CNTLN: variants seen among roughly 807,000 people sequenced by gnomAD.
CNTLN encodes the protein centlein, centrosomal protein.
CNTLN carries 212 observed loss-of-function variants against 180.0 expected under a neutral mutation model. The observed-to-expected ratio is 1.18, with a 90% CI of 1.05 to 1.32. The LOEUF (loss-of-function observed/expected upper bound fraction) is 1.32. CNTLN is among the 40% of genes most tolerant of loss of function. CNTLN has a pLI of 0.00. For synonymous variants in CNTLN, 722 were observed against 563.1 expected (o/e 1.28, Z -3.99); for missense variants, 2,095 against 1,610.9 (o/e 1.30, Z -5.14).
Position 17,142,201 on chromosome 9 carries a change from C to T in CNTLN, c.361-1087C>T, listed in dbSNP as rs746362276. On this transcript the variant is annotated intron_variant, in intron 1 of 25. Transcript: ENST00000380647. ...ATGCAGCCCAGGATGGCTTTGAATG[C>T]GGCCTAACACAAATTCTTAAACTTT... Among the ~76,000 whole-genome samples the T allele has an allele frequency of 5.7e-4, 86 of 152,072 alleles. 1 individual carries two copies. Among genetic ancestry groups the T allele is most frequent in the Non-Finnish European group, 1.0e-3 (71 of 68,010 alleles).
intron 18 of CNTLN, among the ~76,000 whole-genome samples, chr9:17,432,209 A>G (rs981319368): frequency 2.0e-5 from 3 of 152,220 alleles, no homozygotes; most frequent in African/African-American, 7.2e-5. Flanking sequence ...ACAAAAAACA[A>G]AAAACAAAAT....
At chr9:17,385,828 A>G (rs1461289284) in intron 13 of CNTLN, among the ~76,000 whole-genome samples, 1 of 152,162 alleles carries the variant, frequency 6.6e-6, no homozygotes, top group East Asian at 1.9e-4. Flanking sequence ...GGTTATTTGC[A>G]AATGCTACAT....
At chr9:17,486,802 C>T (rs1588097086) in intron 24 of CNTLN, among the ~76,000 whole-genome samples, 187 bp from the exon 25 acceptor site, 2 of 152,008 alleles carry the variant, frequency 1.3e-5, no homozygotes. Flanking sequence ...GCTATATCTT[C>T]CGTAGTACGT....
At chr9:17,155,565 C>G (rs933046229) in intron 2 of CNTLN, among the ~76,000 whole-genome samples, 2 of 152,138 alleles carry the variant, frequency 1.3e-5, no homozygotes, top group African/African-American at 4.8e-5. Context: ...ACACTGTGGC[C>G]GTGAAACTGC....
At chr9:17,164,043 G>A (rs774538729) in intron 2 of CNTLN, among the ~76,000 whole-genome samples, 2 of 150,578 alleles carry the variant, frequency 1.3e-5, no homozygotes, top group Non-Finnish European at 3.0e-5. Flanking sequence ...CAGAAGCAGT[G>A]GCTCACCCCT....
chr9:17,457,289 C>A (rs2134156799), intron 18 of CNTLN, among the ~76,000 whole-genome samples: 1 of 152,084 alleles, frequency 6.6e-6, no homozygotes, highest in East Asian at 1.9e-4. Context: ...CAGGACCAGC[C>A]AACCAAAAGA....
the CNTLN span, among the ~76,000 whole-genome samples, chr9:17,510,418 G>T: frequency 6.6e-6 from 1 of 152,170 alleles, no homozygotes; most frequent in Non-Finnish European, 1.5e-5. Flanking sequence ...TGAATTTTGT[G>T]TGTCAACCTG....
At chr9:17,212,523 T>TG (rs1335719958) in intron 2 of CNTLN, among the ~76,000 whole-genome samples, 2 of 152,170 alleles carry the variant, frequency 1.3e-5, no homozygotes, top group Non-Finnish European at 2.9e-5. Context: ...TCTCCTTTTT[T>TG]GTTGTGTCTC....
At chr9:17,412,656 A>T (rs748611757) in intron 16 of CNTLN, among the ~76,000 whole-genome samples, 6 of 152,314 alleles carry the variant, frequency 3.9e-5, no homozygotes, top group Admixed American at 2.6e-4. Context: ...AGGCTAATGT[A>T]AGTGTTCTGA....
intron 24 of CNTLN, among the ~76,000 whole-genome samples, 169 bp downstream of exon 24, chr9:17,484,649 A>C (rs1013504559): frequency 5.3e-5 from 8 of 152,156 alleles, no homozygotes; most frequent in Non-Finnish European, 1.2e-4. Flanking sequence ...AACTAACTCA[A>C]AAAGCCTTTA....
the CNTLN span, among the ~76,000 whole-genome samples, chr9:17,521,099 G>A: frequency 2.6e-5 from 4 of 152,106 alleles, no homozygotes; most frequent in African/African-American, 4.8e-5. Flanking sequence ...GACAAGGCAC[G>A]AGATAATTAT....
intron 18 of CNTLN, among the ~76,000 whole-genome samples, chr9:17,454,673 C>T (rs1186969496): frequency 1.3e-5 from 2 of 152,212 alleles, no homozygotes; most frequent in African/African-American, 4.8e-5. Flanking sequence ...ACATCTACTA[C>T]GTGCAATCAC....
chr9:17,337,030 C>G (rs1396362152), intron 10 of CNTLN, among the ~76,000 whole-genome samples: 2 of 152,164 alleles, frequency 1.3e-5, no homozygotes, highest in Admixed American at 1.3e-4. Context: ...GATGGTATCT[C>G]ATTGTGGTTT....
At chr9:17,471,797 A>G (rs1448484371) in intron 23 of CNTLN, among the ~76,000 whole-genome samples, 1 of 152,098 alleles carries the variant, frequency 6.6e-6, no homozygotes, top group Non-Finnish European at 1.5e-5. Context: ...ATTTTGTAAC[A>G]GATAAGAGAG....
intron 13 of CNTLN, among the ~76,000 whole-genome samples, chr9:17,383,421 G>GGA (rs1439698967): frequency 6.6e-6 from 1 of 151,858 alleles, no homozygotes. Context: ...CGCTGAGGCT[G>GGA]GAGGATCACT....
At chr9:17,509,950 G>A in the CNTLN span, among the ~76,000 whole-genome samples, 1 of 152,158 alleles carries the variant, frequency 6.6e-6, no homozygotes, top group Admixed American at 6.6e-5. Flanking sequence ...ACAAAGAAGG[G>A]GGTTACATTG....
At chr9:17,296,669 C>T (rs1817962557) in intron 6 of CNTLN, among the ~76,000 whole-genome samples, 2 of 152,188 alleles carry the variant, frequency 1.3e-5, no homozygotes, top group East Asian at 1.9e-4. Flanking sequence ...TTTTTCCCCT[C>T]CTCTTGTATT....
At position 17,290,973 on chromosome 9, in the gene CNTLN, G is replaced by A. The variant is rs554411332; in HGVS notation, c.984-7217G>A. Among the ~76,000 whole-genome samples the A allele has an allele frequency of 1.5e-3, 230 of 152,192 alleles. 1 individual carries two copies. Among genetic ancestry groups the A allele is most frequent in the African/African-American group, 5.3e-3 (221 of 41,514 alleles). On this transcript the variant is annotated intron_variant, in intron 6 of 25. Coordinates refer to ENST00000380647, the MANE Select transcript of CNTLN (RefSeq NM_017738.4). Reference sequence around the variant, plus strand: ...AATGCAGAAATCACCCGTCTTCTGTGTCGCTCATGCTGGGAGCTGTAGACC... The same window carrying A: ...AATGCAGAAATCACCCGTCTTCTGTATCGCTCATGCTGGGAGCTGTAGACC...
At chr9:17,293,728 GTGA>G (rs1462745838) in intron 6 of CNTLN, among the ~76,000 whole-genome samples, 1 of 152,180 alleles carries the variant, frequency 6.6e-6, no homozygotes, top group Non-Finnish European at 1.5e-5. Flanking sequence ...AGGCAGGGTG[GTGA>G]TGATGACCTC....
Sources: allele counts gnomAD v4.1 joint callset (sites outside exome capture counted in the v4.1 genomes callset), GRCh38; gene constraint gnomAD v4.1.1; transcripts MANE v1.5; gene names NCBI Gene and HGNC (gene_info 2026-07-23, HGNC 2026-07-21).